Variants in TOP3A observed in about 807,000 individuals in gnomAD.
TOP3A encodes DNA topoisomerase III alpha.
Under a neutral mutation model 111.3 loss-of-function variants are expected in TOP3A, and 64 were observed. The observed-to-expected ratio is 0.57, with a 90% CI of 0.47 to 0.71. The LOEUF (loss-of-function observed/expected upper bound fraction) is 0.71, where lower values mean the gene tolerates loss of function less well. Among genes scored for constraint, TOP3A ranks in the 30% least tolerant of loss-of-function variants. TOP3A has a pLI of 0.00. For missense variants in TOP3A, 1,104 were observed against 1,285.0 expected, an observed-to-expected ratio of 0.86 and a Z score of 2.15; for synonymous variants, 484 against 485.1, an observed-to-expected ratio of 1.00 and a Z score of 0.03.
rs140848442 is a variant in TOP3A at position 18,299,417 on chromosome 17, C to T, written c.990+142G>A. On this transcript the variant is annotated intron_variant, in intron 9 of 18. Transcript: ENST00000321105. ...AACAAACAGTGAGGCTAAGCAGGAC[C>T]GTGTCTTTCTCCAGTGTTTTCTTGT... 2,908 of 758,664 alleles carry T rather than the reference C, an allele frequency of 3.8e-3. 57 individuals carry two copies. Among genetic ancestry groups the T allele is most frequent in the East Asian group, 9.5e-4 (38 of 40,062 alleles). 47.0% of individuals were successfully genotyped at this position (758,664 alleles called of 1,614,324 possible).
intron 13 of TOP3A, among the ~76,000 whole-genome samples, chr17:18,288,528 C>T (rs1478317013): frequency 6.6e-6 from 1 of 152,072 alleles, no homozygotes; most frequent in African/African-American, 2.4e-5. Context: ...CTGGAAGACT[C>T]CCTGCTGACC....
intron 13 of TOP3A, among the ~76,000 whole-genome samples, chr17:18,290,041 A>G (rs113117986): frequency 4.8e-4 from 73 of 152,366 alleles, no homozygotes; most frequent in African/African-American, 1.7e-3. Context: ...GTCCTGGCAC[A>G]TACATGAGGC....
intron 9 of TOP3A, among the ~76,000 whole-genome samples, chr17:18,298,034 C>A (rs916737424): frequency 4.0e-5 from 6 of 151,830 alleles, no homozygotes; most frequent in Non-Finnish European, 8.8e-5. Flanking sequence ...CTCTGCCCGG[C>A]CGCCCATCGT....
intron 17 of TOP3A, 31 bp from the exon 18 acceptor site, chr17:18,278,388 T>C (rs1979545432): frequency 8.0e-6 from 12 of 1,496,860 alleles, no homozygotes; most frequent in Non-Finnish European, 1.1e-5. Flanking sequence ...GAAAAAACAT[T>C]AACAACCAGA....
chr17:18,275,312 AAAAAG>A (rs1445975131), intron 18 of TOP3A, among the ~76,000 whole-genome samples: 42 of 150,374 alleles, frequency 2.8e-4, no homozygotes, highest in African/African-American at 9.7e-4. Context: ...AAAAAAAAAA[AAAAAG>A]AGCAGCAGAC....
At chr17:18,278,394 C>A in intron 17 of TOP3A, 37 bp from the exon 18 acceptor site, 1 of 1,490,986 alleles carries the variant, frequency 6.7e-7, no homozygotes, top group Non-Finnish European at 8.9e-7. Context: ...ACATTAACAA[C>A]CAGATGCCAG....
intron 1 of TOP3A, among the ~76,000 whole-genome samples, chr17:18,310,828 C>G (rs1981865482): frequency 6.6e-6 from 1 of 152,132 alleles, no homozygotes; most frequent in African/African-American, 2.4e-5. Flanking sequence ...GATCTGCACT[C>G]AACTGCTGCT....
chr17:18,294,987 T>C (rs941400642), intron 9 of TOP3A, among the ~76,000 whole-genome samples: 1 of 152,214 alleles, frequency 6.6e-6, no homozygotes. Context: ...CAGACTTTAA[T>C]GTGTGCAGGA....
At chr17:18,312,229 C>G (rs148369227) in intron 1 of TOP3A, 2 of 152,428 alleles carry the variant, frequency 1.3e-5, no homozygotes, top group African/African-American at 4.8e-5. Flanking sequence ...GGGATGAGAT[C>G]GAAACCGTTG....
At chr17:18,306,719 C>A in intron 4 of TOP3A, 172 bp downstream of exon 4, 2 of 569,792 alleles carry the variant, frequency 3.5e-6, no homozygotes, top group East Asian at 2.9e-5. Flanking sequence ...TACTTCAGTC[C>A]CTTGGCCACT....
intron 3 of TOP3A, 143 bp downstream of exon 3, chr17:18,308,207 GA>G: frequency 2.2e-6 from 1 of 461,566 alleles, no homozygotes. Flanking sequence ...GTCTCACTCT[GA>G]AACTTTGTCT....
intron 1 of TOP3A, among the ~76,000 whole-genome samples, chr17:18,309,702 A>G (rs1348807023): frequency 6.6e-6 from 1 of 150,538 alleles, no homozygotes; most frequent in Non-Finnish European, 1.5e-5. Context: ...GAAAGTCTAT[A>G]GAAGTTCTTT....
chr17:18,302,046 A>G, intron 7 of TOP3A, 61 bp from the exon 8 acceptor site: 1 of 1,520,890 alleles, frequency 6.6e-7, no homozygotes, highest in Non-Finnish European at 9.1e-7. Flanking sequence ...GATATGACAG[A>G]TAGAAAAAGG....
intron 18 of TOP3A, among the ~76,000 whole-genome samples, chr17:18,275,293 CAA>C (rs538677203): frequency 0.078 from 4,693 of 60,402 alleles, 97 homozygotes; most frequent in East Asian, 0.29. Context: ...GACCCTGTCT[CAA>C]AAAAAAAAAA....
chr17:18,282,985 G>T, intron 15 of TOP3A, 144 bp from the exon 16 acceptor site: 2 of 1,067,842 alleles, frequency 1.9e-6, no homozygotes, highest in Non-Finnish European at 2.7e-6. Context: ...ACAGACGGCA[G>T]ACAGAAGACT....
chr17:18,276,119 T>C (rs942948002), intron 18 of TOP3A, among the ~76,000 whole-genome samples: 1 of 152,172 alleles, frequency 6.6e-6, no homozygotes, highest in African/African-American at 2.4e-5. Context: ...CACACTCACT[T>C]GGTAAGTGGA....
At chr17:18,313,783 C>T (rs1219807967) in intron 1 of TOP3A, among the ~76,000 whole-genome samples, 1 of 152,136 alleles carries the variant, frequency 6.6e-6, no homozygotes, top group Non-Finnish European at 1.5e-5. Flanking sequence ...CTCCCACTAT[C>T]CTTGATCTGG....
chr17:18,297,135 C>A (rs544401750), intron 9 of TOP3A, among the ~76,000 whole-genome samples: 7 of 151,678 alleles, frequency 4.6e-5, no homozygotes, highest in Non-Finnish European at 8.8e-5. Context: ...ACAAAAACAA[C>A]AAAAAAAAGG....
intron 4 of TOP3A, among the ~76,000 whole-genome samples, chr17:18,305,696 G>A (rs1477003412): frequency 6.6e-6 from 1 of 151,934 alleles, no homozygotes; most frequent in South Asian, 2.1e-4. Context: ...AAATTAGCCG[G>A]GCATGGTGGC....
Sources: allele counts gnomAD v4.1 joint callset (sites outside exome capture counted in the v4.1 genomes callset), GRCh38; gene constraint gnomAD v4.1.1; transcripts MANE v1.5; gene names NCBI Gene and HGNC (gene_info 2026-07-23, HGNC 2026-07-21).